Variants in LRRC9 observed in about 807,000 individuals in gnomAD.
LRRC9 encodes leucine rich repeat containing 9.
In LRRC9, 122 loss-of-function variants were observed where a neutral mutation model predicts 63.2. The ratio of observed to expected loss-of-function variants is 1.93; its 90% CI spans 1.67 to 2.24. The LOEUF (loss-of-function observed/expected upper bound fraction) is 2.24, where lower values mean the gene tolerates loss of function less well. Ranked by LOEUF, LRRC9 falls within the 30% of genes most tolerant of loss-of-function variation. The pLI, the probability that LRRC9 is intolerant of heterozygous loss-of-function variation, is 0.00. For missense variants in LRRC9, 1,071 were observed against 627.7 expected, an observed-to-expected ratio of 1.71 and a Z score of -7.55; for synonymous variants, 366 against 213.1, an observed-to-expected ratio of 1.72 and a Z score of -6.25.
intron 19 of LRRC9, among the ~76,000 whole-genome samples, chr14:60,000,107 C>G (rs1363888830): frequency 6.6e-6 from 1 of 152,044 alleles, no homozygotes; most frequent in Non-Finnish European, 1.5e-5. Flanking sequence ...GAATGCTACA[C>G]AGCCATAAAA....
At chr14:60,009,474 C>T (rs1890083202) in intron 23 of LRRC9, among the ~76,000 whole-genome samples, 1 of 152,168 alleles carries the variant, frequency 6.6e-6, no homozygotes, top group South Asian at 2.1e-4. Context: ...AAAAACCCAT[C>T]CCCATGATTC....
intron 26 of LRRC9, among the ~76,000 whole-genome samples, chr14:60,022,198 G>A (rs974145315): frequency 6.6e-6 from 1 of 151,574 alleles, no homozygotes; most frequent in African/African-American, 2.4e-5. Context: ...TCTGTGTACA[G>A]ATTTTCCACT....
At position 60,042,522 on chromosome 14, in the gene LRRC9, G is replaced by T. The variant is rs1022318283; in HGVS notation, c.3990+10459G>T. On this transcript the variant is annotated intron_variant, in intron 29 of 31. Coordinates refer to ENST00000445360, the Ensembl canonical transcript of LRRC9. The surrounding 1 kb of genome is among the most constrained non-coding windows in gnomAD (Gnocchi z 4.2). The stretch of plus-strand genomic sequence containing the variant: ...GACTGCTGTGCTGGCAGTGAGTGAG[G>T]CTCCGTGGGCATGGGATCCTCCAAG... 2.6e-5 allele frequency among the ~76,000 whole-genome samples: 4 copies of T among 152,174 alleles called. No individual in the cohort carries two copies. Among genetic ancestry groups the T allele is most frequent in the African/African-American group, 9.7e-5 (4 of 41,436 alleles).
In LRRC9 at chr14:60,053,984, C is replaced by T. The variant is rs1045805026; in HGVS notation, c.4131+779C>T. On this transcript the variant is annotated intron_variant, in intron 30 of 31. Coordinates refer to ENST00000445360, the Ensembl canonical transcript of LRRC9. The surrounding 1 kb of genome is among the most constrained non-coding windows in gnomAD (Gnocchi z 4.8). Reference sequence around the variant, plus strand: ...AATCCAAGAGAGATGTTATGAAGACCTGGACCACGGTAGAGAATATAAATG... The same window carrying T: ...AATCCAAGAGAGATGTTATGAAGACTTGGACCACGGTAGAGAATATAAATG... The T allele has an allele frequency of 6.8e-6, 3 of 441,330 alleles. No individual in the cohort carries two copies. Among genetic ancestry groups the T allele is most frequent in the South Asian group, 1.6e-5 (1 of 60,974 alleles). 27.3% of individuals were successfully genotyped at this position (441,330 alleles called of 1,614,324 possible).
chr14:60,044,337 AG>A (rs1893225583), intron 29 of LRRC9, among the ~76,000 whole-genome samples: 1 of 151,964 alleles, frequency 6.6e-6, no homozygotes, highest in Non-Finnish European at 1.5e-5. Context: ...CTACTAATTT[AG>A]GGCTTGGCTT....
rs1566821947 is a variant in LRRC9, at chr14:59,964,802, A to ACTATTCATAGCAAG, written c.1212-1778_1212-1777insGCAAGCTATTCATA. ...AGCAGGCATCATGCTTGATTGCAAC[A>ACTATTCATAGCAAG]CTATTCATATCTGTCTCCTCTACCA... On this transcript the variant is annotated intron_variant, in intron 10 of 31. Coordinates refer to ENST00000445360, the Ensembl canonical transcript of LRRC9. The surrounding 1 kb of genome is among the most constrained non-coding windows in gnomAD (Gnocchi z 4.4). Among the ~76,000 whole-genome samples the ACTATTCATAGCAAG allele has an allele frequency of 6.6e-6, 1 of 151,880 alleles. No homozygotes were observed. Among genetic ancestry groups the ACTATTCATAGCAAG allele is most frequent in the Non-Finnish European group, 1.5e-5 (1 of 67,976 alleles).
intron 6 of LRRC9, among the ~76,000 whole-genome samples, chr14:59,934,389 C>T (rs1327694490): frequency 1.3e-5 from 2 of 152,024 alleles, no homozygotes; most frequent in Non-Finnish European, 2.9e-5. Flanking sequence ...TTTAGAATAC[C>T]AGTGGGGCCA....
In LRRC9 at chr14:59,986,029, A is replaced by T. The variant is rs989849449; in HGVS notation, c.2211+805A>T. The stretch of plus-strand genomic sequence containing the variant: ...TTTGTAGTTTACCACTTCACATCTT[A>T]AGATGGTCAGTTCCTCCCATCTGCT... On this transcript the variant is annotated intron_variant, in intron 17 of 31. Transcript: ENST00000445360. The surrounding 1 kb of genome is among the most constrained non-coding windows in gnomAD (Gnocchi z 4.7). 6.6e-6 allele frequency among the ~76,000 whole-genome samples: 1 copy of T among 152,006 alleles called. No homozygotes were observed. The highest frequency in any genetic ancestry group is 1.5e-5 in the Non-Finnish European group (1 of 67,974).
At chr14:59,934,156 AGAG>A (rs1178912570) in intron 6 of LRRC9, among the ~76,000 whole-genome samples, 3 of 152,136 alleles carry the variant, frequency 2.0e-5, no homozygotes, top group Non-Finnish European at 4.4e-5. Flanking sequence ...GAAAAAAAGA[AGAG>A]GAGGAGGAGG....
chr14:59,983,137 A>G lies in LRRC9; in HGVS notation c.2091+1077A>G, dbSNP rs974145441. ...CCTAGACTATTACCCCAGCCTTCCA[A>G]CCAGACTCTCTGTACTCTACTATTG... On this transcript the variant is annotated intron_variant, in intron 16 of 31. Coordinates refer to ENST00000445360, the Ensembl canonical transcript of LRRC9. Among the ~76,000 whole-genome samples, 7 of 152,154 alleles carry G rather than the reference A, an allele frequency of 4.6e-5. No homozygotes were observed. In the South Asian group the frequency reaches 6.2e-4, roughly 14 times the overall value.
At chr14:59,979,344 T>G (rs219331) in intron 15 of LRRC9, among the ~76,000 whole-genome samples, 1 of 152,102 alleles carries the variant, frequency 6.6e-6, no homozygotes, top group Non-Finnish European at 1.5e-5. Context: ...CTCGGCCAGG[T>G]GCGGTGGCTC....
chr14:59,956,308 A>T (rs1260679756), intron 8 of LRRC9, among the ~76,000 whole-genome samples: 1 of 151,928 alleles, frequency 6.6e-6, no homozygotes, highest in Non-Finnish European at 1.5e-5. Context: ...TATTTTATGA[A>T]TCTGGGTGCT....
chr14:59,940,047 G>A (rs1881591025), intron 7 of LRRC9, among the ~76,000 whole-genome samples: 1 of 151,928 alleles, frequency 6.6e-6, no homozygotes, highest in Non-Finnish European at 1.5e-5. Context: ...AGCCTGCAGA[G>A]GAGACTGAAA....
chr14:59,959,321 G>C (rs1193475889), intron 8 of LRRC9, among the ~76,000 whole-genome samples: 2 of 151,902 alleles, frequency 1.3e-5, no homozygotes, highest in Non-Finnish European at 2.9e-5. Context: ...TAAAACAAAA[G>C]GAAAAATGTG....
chr14:59,960,922 C>A (rs759342957), exon 10 of LRRC9: 21 of 666,282 alleles, frequency 3.2e-5, no homozygotes, highest in African/African-American at 1.8e-5. Context: ...AGAATTGAAG[C>A]AATTTATCAT....
chr14:60,055,025 G>C (rs1250070862), intron 30 of LRRC9, among the ~76,000 whole-genome samples: 1 of 152,158 alleles, frequency 6.6e-6, no homozygotes, highest in African/African-American at 2.4e-5. Context: ...CTCCCAAAGT[G>C]CTGGGATTAC....
intron 29 of LRRC9, among the ~76,000 whole-genome samples, chr14:60,040,311 T>A (rs1435860683): frequency 6.6e-6 from 1 of 151,950 alleles, no homozygotes; most frequent in Non-Finnish European, 1.5e-5. Flanking sequence ...TTCCTGGATA[T>A]CCTTGTTAAC....
At chr14:60,035,626 T>C (rs1473387238) in intron 29 of LRRC9, among the ~76,000 whole-genome samples, 2 of 152,190 alleles carry the variant, frequency 1.3e-5, no homozygotes, top group Admixed American at 1.3e-4. Flanking sequence ...TTCTTGGTGC[T>C]TTTGTCAAAG....
At position 59,936,413 on chromosome 14, in the gene LRRC9, A is replaced by G. The variant is rs1442668293; in HGVS notation, c.544-1977A>G. On this transcript the variant is annotated intron_variant, in intron 6 of 31. Transcript: ENST00000445360. This position sits in a 1 kb window ranked among gnomAD's most constrained non-coding sequence, Gnocchi z 4.2. ...CCTACCCTAAGAAGATAACTATCTT[A>G]TCATGGTGGTGATTGAATCAATTCT... 6.6e-6 allele frequency among the ~76,000 whole-genome samples: 1 copy of G among 152,158 alleles called. No individual in the cohort carries two copies. The highest frequency in any genetic ancestry group is 2.4e-5 in the African/African-American group (1 of 41,448).
Sources: allele counts gnomAD v4.1 joint callset (sites outside exome capture counted in the v4.1 genomes callset), GRCh38; gene constraint gnomAD v4.1.1; non-coding constraint Gnocchi (gnomAD v3.1); transcripts MANE v1.5; gene names NCBI Gene and HGNC (gene_info 2026-07-23, HGNC 2026-07-21).